PTPRM: variants seen among roughly 807,000 people sequenced by gnomAD.
PTPRM encodes receptor-type tyrosine-protein phosphatase mu.
A neutral mutation model predicts 186.7 loss-of-function variants in PTPRM; 47 were observed. The observed-to-expected ratio is 0.25, with a 90% confidence interval of 0.20 to 0.32. The LOEUF (loss-of-function observed/expected upper bound fraction) is 0.32. PTPRM is among the 10% of genes least tolerant of loss of function. The pLI, the probability that PTPRM is intolerant of heterozygous loss-of-function variation, is 1.00. For missense variants in PTPRM, 1,494 were observed against 1,865.0 expected, an observed-to-expected ratio of 0.80 and a Z score of 3.66; for synonymous variants, 668 against 674.9, an observed-to-expected ratio of 0.99 and a Z score of 0.16.
chr18:7,793,726 G>T (rs1201430261), intron 2 of PTPRM, among the ~76,000 whole-genome samples: 1 of 152,128 alleles, frequency 6.6e-6, no homozygotes, highest in East Asian at 1.9e-4. Flanking sequence ...CCCGGCCTGT[G>T]CTCAGGGACC....
chr18:7,895,246 G>T (rs781380036), intron 3 of PTPRM, among the ~76,000 whole-genome samples: 1 of 152,102 alleles, frequency 6.6e-6, no homozygotes, highest in Non-Finnish European at 1.5e-5. Context: ...AGCACATTGG[G>T]GATATGCTAG....
At chr18:8,009,976 G>A (rs2084425922) in intron 7 of PTPRM, among the ~76,000 whole-genome samples, 2 of 152,008 alleles carry the variant, frequency 1.3e-5, no homozygotes, top group Admixed American at 1.3e-4. Flanking sequence ...TAATAGTAAG[G>A]CACAAAATTA....
At chr18:7,853,792 C>T (rs982460936) in intron 2 of PTPRM, among the ~76,000 whole-genome samples, 1 of 152,092 alleles carries the variant, frequency 6.6e-6, no homozygotes, top group Non-Finnish European at 1.5e-5. Flanking sequence ...CTGTTGTCCA[C>T]CAAGATAAAC....
chr18:7,635,321 C>A (rs2038287358), intron 1 of PTPRM, among the ~76,000 whole-genome samples: 2 of 152,030 alleles, frequency 1.3e-5, no homozygotes, highest in South Asian at 4.1e-4. Context: ...TAATGCAGGG[C>A]CCAAGTCTCA....
chr18:8,238,167 G>C (rs1232779999), intron 14 of PTPRM, among the ~76,000 whole-genome samples: 1 of 152,160 alleles, frequency 6.6e-6, no homozygotes, highest in Non-Finnish European at 1.5e-5. Flanking sequence ...TTAGGAAATA[G>C]TTATTATTGC....
intron 1 of PTPRM, among the ~76,000 whole-genome samples, chr18:7,694,891 A>G (rs972024415): frequency 6.6e-6 from 1 of 152,230 alleles, no homozygotes; most frequent in Admixed American, 6.5e-5. Context: ...AGTAAAAAGA[A>G]AGAAACAGAA....
At chr18:8,203,647 C>A (rs2093888373) in intron 14 of PTPRM, among the ~76,000 whole-genome samples, 1 of 152,010 alleles carries the variant, frequency 6.6e-6, no homozygotes. Context: ...GTGATACATG[C>A]TAAAGTATTG....
At chr18:7,862,750 A>G (rs942588204) in intron 2 of PTPRM, among the ~76,000 whole-genome samples, 6 of 152,244 alleles carry the variant, frequency 3.9e-5, no homozygotes, top group African/African-American at 1.4e-4. Context: ...AAACTCGCAG[A>G]ATCATTTTAC....
At chr18:7,865,471 A>G (rs8097991) in intron 2 of PTPRM, among the ~76,000 whole-genome samples, 8,134 of 152,218 alleles carry the variant, frequency 0.053, 277 homozygotes, top group Middle Eastern at 0.2. Context: ...GGTTGTGTTT[A>G]TGTTATGGAT....
chr18:8,118,542 G>A (rs1005415376), intron 13 of PTPRM, among the ~76,000 whole-genome samples: 1 of 152,130 alleles, frequency 6.6e-6, no homozygotes, highest in African/African-American at 2.4e-5. Context: ...GCTCACGCCT[G>A]TAATCCCAGC....
At chr18:7,945,147 C>T (rs1054322652) in intron 5 of PTPRM, among the ~76,000 whole-genome samples, 2 of 152,036 alleles carry the variant, frequency 1.3e-5, no homozygotes, top group Non-Finnish European at 2.9e-5. Context: ...ATGCCCTATG[C>T]TGCCTCAGGA....
At chr18:7,849,233 G>C (rs72893373) in intron 2 of PTPRM, among the ~76,000 whole-genome samples, 14,089 of 152,234 alleles carry the variant, frequency 0.093, 782 homozygotes, top group South Asian at 0.23. Flanking sequence ...TATGACTGCA[G>C]GTAAAATGTC....
intron 23 of PTPRM, among the ~76,000 whole-genome samples, chr18:8,355,022 G>A (rs2095556230): frequency 6.6e-6 from 1 of 152,180 alleles, no homozygotes; most frequent in African/African-American, 2.4e-5. Context: ...TACAAGAAAA[G>A]GGGAAAAGTG....
chr18:8,057,272 A>G (rs981504768), intron 7 of PTPRM, among the ~76,000 whole-genome samples: 1 of 152,044 alleles, frequency 6.6e-6, no homozygotes, highest in African/African-American at 2.4e-5. Context: ...ATTTGATATT[A>G]GTGGATACAC....
At chr18:8,046,397 A>G (rs1568244108) in intron 7 of PTPRM, among the ~76,000 whole-genome samples, 1 of 152,194 alleles carries the variant, frequency 6.6e-6, no homozygotes, top group South Asian at 2.1e-4. Context: ...ACAGTTATTT[A>G]TTGACCTTCT....
intron 5 of PTPRM, among the ~76,000 whole-genome samples, chr18:7,932,795 G>T (rs1023766668): frequency 2.6e-5 from 4 of 152,066 alleles, no homozygotes; most frequent in African/African-American, 7.2e-5. Context: ...CTTTTAAAAT[G>T]ATTCCATAAT....
chr18:8,240,553 A>AAG (rs1568583045), intron 14 of PTPRM, among the ~76,000 whole-genome samples: 127 of 77,370 alleles, frequency 1.6e-3, no homozygotes, highest in Non-Finnish European at 2.4e-3. Flanking sequence ...AAGGAAGGAA[A>AAG]GAAGGAAAGA....
At chr18:8,203,622 A>G (rs1706092591) in intron 14 of PTPRM, among the ~76,000 whole-genome samples, 1 of 152,166 alleles carries the variant, frequency 6.6e-6, no homozygotes, top group African/African-American at 2.4e-5. Flanking sequence ...ATATGGAAGA[A>G]TTCCTTGTTC....
At chr18:7,712,184 G>A (rs1448997933) in intron 1 of PTPRM, among the ~76,000 whole-genome samples, 1 of 152,176 alleles carries the variant, frequency 6.6e-6, no homozygotes, top group East Asian at 1.9e-4. Context: ...TATCTTTACT[G>A]TTCCGTAGCC....
Sources: allele counts gnomAD v4.1 joint callset (sites outside exome capture counted in the v4.1 genomes callset), GRCh38; gene constraint gnomAD v4.1.1; transcripts MANE v1.5; gene names NCBI Gene and HGNC (gene_info 2026-07-23, HGNC 2026-07-21).